Variants in FNDC3B observed in about 807,000 individuals in gnomAD.
FNDC3B encodes the protein fibronectin type III domain containing 3B.
In FNDC3B, 12 loss-of-function variants were observed where a neutral mutation model predicts 151.5. The observed-to-expected ratio is 0.08, with a 90% CI of 0.05 to 0.13. The LOEUF is 0.13. Among genes scored for constraint, FNDC3B ranks in the 10% least tolerant of loss-of-function variants. The pLI is 1.00. For synonymous variants in FNDC3B, 528 were observed against 549.0 expected (o/e 0.96, Z 0.54); for missense variants, 1,214 against 1,505.3 (o/e 0.81, Z 3.20).
intron 23 of FNDC3B, among the ~76,000 whole-genome samples, chr3:172,367,410 C>A (rs1306548403): frequency 6.6e-6 from 1 of 151,990 alleles, no homozygotes; most frequent in Non-Finnish European, 1.5e-5. Context: ...CAGCAGACAG[C>A]AAAACAAAAA....
At chr3:172,357,349 A>G (rs1287196959) in intron 22 of FNDC3B, among the ~76,000 whole-genome samples, 1 of 152,254 alleles carries the variant, frequency 6.6e-6, no homozygotes, top group Non-Finnish European at 1.5e-5. Flanking sequence ...TTAAACTGAC[A>G]TAATGCAAAT....
intron 3 of FNDC3B, among the ~76,000 whole-genome samples, chr3:172,211,741 T>C (rs1260814124): frequency 6.6e-6 from 1 of 152,204 alleles, no homozygotes; most frequent in African/African-American, 2.4e-5. Context: ...CCTTTACCAG[T>C]TAGGATTATT....
At chr3:172,353,228 C>A in intron 22 of FNDC3B, 145 bp downstream of exon 22, 1 of 814,110 alleles carries the variant, frequency 1.2e-6, no homozygotes, top group Non-Finnish European at 1.9e-6. Flanking sequence ...CACCTTGATC[C>A]CTCAGGCCAG....
At chr3:172,112,620 A>C in intron 2 of FNDC3B, 30 bp downstream of exon 2, 1 of 1,424,134 alleles carries the variant, frequency 7.0e-7, no homozygotes, top group Non-Finnish European at 9.9e-7. Context: ...AATTTAAGTC[A>C]AATTGTCTAA....
intron 16 of FNDC3B, among the ~76,000 whole-genome samples, chr3:172,338,606 C>A (rs918837978): frequency 1.6e-4 from 24 of 152,128 alleles, no homozygotes; most frequent in Admixed American, 3.9e-4. Flanking sequence ...TTTAAAAATT[C>A]TAAGGTTTTC....
At chr3:172,062,347 C>T (rs377689323) in intron 1 of FNDC3B, among the ~76,000 whole-genome samples, 21 of 150,930 alleles carry the variant, frequency 1.4e-4, no homozygotes, top group Non-Finnish European at 4.4e-5. Flanking sequence ...AGTCTCTCTC[C>T]GTCACCCAGG....
intron 3 of FNDC3B, among the ~76,000 whole-genome samples, chr3:172,177,626 CTTTTTTTT>C (rs10684671): frequency 2.4e-5 from 2 of 84,842 alleles, no homozygotes; most frequent in African/African-American, 4.9e-5. Flanking sequence ...TTACCACCAT[CTTTTTTTT>C]TTTTTTTTTT....
At chr3:172,224,310 T>C (rs1183728878) in intron 3 of FNDC3B, among the ~76,000 whole-genome samples, 3 of 152,246 alleles carry the variant, frequency 2.0e-5, no homozygotes, top group Admixed American at 1.3e-4. Context: ...TAAATTATAC[T>C]TAAGAATTAA....
At chr3:172,328,157 T>C (rs1732455584) in intron 11 of FNDC3B, among the ~76,000 whole-genome samples, 1 of 152,222 alleles carries the variant, frequency 6.6e-6, no homozygotes, top group Non-Finnish European at 1.5e-5. Flanking sequence ...GAATTTGAAG[T>C]ATCACATAAG....
chr3:172,134,378 T>G (rs763829532), intron 3 of FNDC3B: 2 of 518,662 alleles, frequency 3.9e-6, no homozygotes, highest in South Asian at 2.8e-5. Flanking sequence ...AGGCACTGTT[T>G]ATGATAGCTC....
chr3:172,171,307 T>A (rs1166138148), intron 3 of FNDC3B, among the ~76,000 whole-genome samples: 1 of 152,248 alleles, frequency 6.6e-6, no homozygotes, highest in African/African-American at 2.4e-5. Flanking sequence ...TGAAATTAAC[T>A]GGTGTTTTAT....
intron 12 of FNDC3B, chr3:172,329,917 A>G (rs1392842815): frequency 6.6e-6 from 1 of 152,192 alleles, no homozygotes; most frequent in East Asian, 1.9e-4. Flanking sequence ...GAAAAACAGC[A>G]CTGTATATAT....
At chr3:172,322,835 G>A (rs1244471541) in intron 11 of FNDC3B, among the ~76,000 whole-genome samples, 1 of 151,740 alleles carries the variant, frequency 6.6e-6, no homozygotes, top group East Asian at 1.9e-4. Context: ...TGCCTCAGTG[G>A]CTCTCAAATA....
chr3:172,214,535 T>C (rs1388508741), intron 3 of FNDC3B, among the ~76,000 whole-genome samples: 1 of 32,410 alleles, frequency 3.1e-5, no homozygotes, highest in African/African-American at 2.0e-4. Flanking sequence ...GTAGATAAGC[T>C]ATGACTCTGT....
At chr3:172,146,862 T>C (rs1433511757) in intron 3 of FNDC3B, among the ~76,000 whole-genome samples, 1 of 152,248 alleles carries the variant, frequency 6.6e-6, no homozygotes, top group Non-Finnish European at 1.5e-5. Flanking sequence ...GAGTTACTGC[T>C]TTCGGCAGAG....
At chr3:172,289,371 A>G (rs1426220275) in intron 7 of FNDC3B, among the ~76,000 whole-genome samples, 1 of 151,814 alleles carries the variant, frequency 6.6e-6, no homozygotes, top group Non-Finnish European at 1.5e-5. Flanking sequence ...TCTCCCCTTC[A>G]CGAGAGCCTT....
intron 25 of FNDC3B, among the ~76,000 whole-genome samples, chr3:172,389,900 C>T (rs1735919395): frequency 6.6e-6 from 1 of 152,162 alleles, no homozygotes; most frequent in Non-Finnish European, 1.5e-5. Flanking sequence ...ATAAAATATA[C>T]TAGAAACTAC....
intron 3 of FNDC3B, among the ~76,000 whole-genome samples, chr3:172,175,768 G>A (rs1040067341): frequency 1.3e-5 from 2 of 152,154 alleles, no homozygotes; most frequent in Admixed American, 6.5e-5. Flanking sequence ...ACCTTGTACC[G>A]CGTTGGAGAA....
chr3:172,275,072 C>G (rs1319374935), intron 6 of FNDC3B, among the ~76,000 whole-genome samples: 3 of 152,004 alleles, frequency 2.0e-5, no homozygotes, highest in South Asian at 2.1e-4. Context: ...CCTAAATGGC[C>G]GCTTTTGCTC....
Sources: allele counts gnomAD v4.1 joint callset (sites outside exome capture counted in the v4.1 genomes callset), GRCh38; gene constraint gnomAD v4.1.1; transcripts MANE v1.5; gene names NCBI Gene and HGNC (gene_info 2026-07-23, HGNC 2026-07-21).